DUSP29: variants seen among roughly 807,000 people sequenced by gnomAD.
DUSP29 encodes atypical dual-specific protein phosphatase.
DUSP29 carries 12 observed loss-of-function variants against 13.5 expected under a neutral mutation model. The ratio of observed to expected loss-of-function variants is 0.89; its 90% CI spans 0.57 to 1.44. The LOEUF is 1.44. Among genes scored for constraint, DUSP29 ranks in the 40% most tolerant of loss-of-function variants. The pLI, the probability that DUSP29 is intolerant of heterozygous loss-of-function variation, is 0.00. For synonymous variants in DUSP29, 134 were observed against 128.7 expected (o/e 1.04, Z -0.28); for missense variants, 308 against 301.1 (o/e 1.02, Z -0.17).
chr10:75,060,718 A>T (rs776370110), intron 1 of DUSP29, among the ~76,000 whole-genome samples: 10 of 152,192 alleles, frequency 6.6e-5, no homozygotes, highest in Admixed American at 2.6e-4. Context: ...CTGAGCATAA[A>T]CTGCCAGCCA....
At chr10:75,044,540 G>A (rs1406417608) in intron 2 of DUSP29, among the ~76,000 whole-genome samples, 1 of 152,214 alleles carries the variant, frequency 6.6e-6, no homozygotes, top group Non-Finnish European at 1.5e-5. Context: ...CGATGTGAAC[G>A]GGAAAGTGTT....
chr10:75,054,343 G>A (rs1170268004), intron 2 of DUSP29, among the ~76,000 whole-genome samples: 2 of 152,140 alleles, frequency 1.3e-5, no homozygotes, highest in African/African-American at 4.8e-5. Flanking sequence ...GTTTATAAAA[G>A]TGAAAACATA....
intron 3 of DUSP29, 54 bp from the exon 4 acceptor site, chr10:75,038,131 C>A: frequency 6.4e-7 from 1 of 1,574,260 alleles, no homozygotes; most frequent in Non-Finnish European, 8.6e-7. Context: ...GTGTTGGGGG[C>A]ACAGGTAGGG....
intron 2 of DUSP29, among the ~76,000 whole-genome samples, chr10:75,051,486 C>T (rs761711756): frequency 1.3e-5 from 2 of 152,344 alleles, no homozygotes; most frequent in Middle Eastern, 3.4e-3. Flanking sequence ...GGCCGCTCCA[C>T]CTATCTCCAC....
intron 3 of DUSP29, among the ~76,000 whole-genome samples, chr10:75,043,332 G>A (rs1846624900): frequency 1.3e-5 from 2 of 152,220 alleles, no homozygotes; most frequent in South Asian, 4.1e-4. Context: ...TTGGGTTCAG[G>A]CCCAGGCACA....
chr10:75,048,670 G>T (rs1846756488), intron 2 of DUSP29, among the ~76,000 whole-genome samples: 2 of 152,186 alleles, frequency 1.3e-5, no homozygotes, highest in African/African-American at 4.8e-5. Flanking sequence ...AAACCCAGTG[G>T]AGTCTTAACC....
intron 3 of DUSP29, among the ~76,000 whole-genome samples, chr10:75,042,608 T>C (rs1846609858): frequency 6.6e-6 from 1 of 152,222 alleles, no homozygotes; most frequent in South Asian, 2.1e-4. Flanking sequence ...CATTGTGACA[T>C]TGCTTTCTGA....
chr10:75,046,747 C>T (rs1354402105), intron 2 of DUSP29, among the ~76,000 whole-genome samples: 1 of 152,224 alleles, frequency 6.6e-6, no homozygotes, highest in Non-Finnish European at 1.5e-5. Flanking sequence ...TTTCATTTTT[C>T]GTCTTGCCCC....
intron 1 of DUSP29, among the ~76,000 whole-genome samples, chr10:75,058,903 C>G (rs1289498443): frequency 2.0e-5 from 3 of 152,184 alleles, no homozygotes; most frequent in African/African-American, 4.8e-5. Context: ...TGACTGAAAC[C>G]TACTGGTTTG....
intron 1 of DUSP29, among the ~76,000 whole-genome samples, chr10:75,070,842 AC>A (rs1215371825): frequency 1.3e-5 from 2 of 151,874 alleles, no homozygotes; most frequent in Non-Finnish European, 2.9e-5. Context: ...AGGAGATCTG[AC>A]CCCCTCGTTA....
At position 75,037,955 on chromosome 10, in the gene DUSP29, A is replaced by G. The variant is rs1846499796; in HGVS notation, c.544T>C (p.Cys182Arg). Residue 182 changes from cysteine to arginine, a missense_variant, in exon 4 of 4, where the codon TGC becomes CGC. Cys to Arg is a radical substitution (Grantham distance 180). Transcript: ENST00000338487. ...DAIQQVAKNR[C>R]VLPNRGFLKQ... ...AAAAAGCCCCGGTTCGGGAGGACGC[A>G]GCGGTTCTTGGCCACTTGCTGGATG... 1.2e-6 allele frequency: 2 copies of G among 1,613,972 alleles called. No individual in the cohort carries two copies. Among genetic ancestry groups the G allele is most frequent in the African/African-American group, 2.7e-5 (2 of 75,064 alleles).
At chr10:75,072,870 G>A (rs1198822560) in intron 1 of DUSP29, among the ~76,000 whole-genome samples, 3 of 152,048 alleles carry the variant, frequency 2.0e-5, no homozygotes, top group Admixed American at 2.0e-4. Flanking sequence ...CCTGGTCTGA[G>A]ACGCAGGCCC....
rs370915972 is a variant in DUSP29, at chr10:75,044,024, G to A, written c.201-7C>T. ...GCGGTCCAGCGCCGTCGCCCTGGGC[G>A]CAGGGGAGAGAAATCTGTGGGCGCG... On this transcript the variant is annotated splice_region_variant and splice_polypyrimidine_tract_variant and intron_variant, in intron 2 of 3. Coordinates refer to ENST00000338487, the MANE Select transcript of DUSP29 (RefSeq NM_001003892.3). 2.1e-5 allele frequency: 34 copies of A among 1,603,688 alleles called. No homozygotes were observed. Among genetic ancestry groups the A allele is most frequent in the Middle Eastern group, 2.2e-4 (1 of 4,476 alleles).
intron 3 of DUSP29, among the ~76,000 whole-genome samples, chr10:75,039,247 C>T (rs137890708): frequency 6.6e-6 from 1 of 152,312 alleles, no homozygotes; most frequent in African/African-American, 2.4e-5. Flanking sequence ...TCTTTAGGAA[C>T]AGCAGCAGCT....
At chr10:75,042,843 C>T (rs1846613984) in intron 3 of DUSP29, among the ~76,000 whole-genome samples, 1 of 152,256 alleles carries the variant, frequency 6.6e-6, no homozygotes. Context: ...TATGTGATGG[C>T]TCCACAAAGG....
chr10:75,064,073 G>A (rs935914868), intron 1 of DUSP29, among the ~76,000 whole-genome samples: 1 of 151,310 alleles, frequency 6.6e-6, no homozygotes, highest in East Asian at 2.0e-4. Context: ...TTGAGATAAC[G>A]TCTCACTTTG....
At chr10:75,038,246 T>C (rs1474567167) in intron 3 of DUSP29, among the ~76,000 whole-genome samples, 169 bp from the exon 4 acceptor site, 2 of 152,174 alleles carry the variant, frequency 1.3e-5, no homozygotes, top group African/African-American at 4.8e-5. Context: ...GTCTTCTTCA[T>C]AGGGTTGTTG....
rs1363724695 is a variant in DUSP29, at chr10:75,044,032, G to A, written c.201-15C>T. 1 of 1,599,232 alleles carries A rather than the reference G, an allele frequency of 6.3e-7. No individual in the cohort carries two copies. The highest frequency in any genetic ancestry group is 2.2e-5 in the East Asian group (1 of 44,584). On this transcript the variant is annotated splice_polypyrimidine_tract_variant and intron_variant, in intron 2 of 3. Coordinates refer to ENST00000338487, the MANE Select transcript of DUSP29 (RefSeq NM_001003892.3). ...GCGCCGTCGCCCTGGGCGCAGGGGAGAGAAATCTGTGGGCGCGCGGCGCCC... is the reference window on the plus strand; with the variant it reads ...GCGCCGTCGCCCTGGGCGCAGGGGAAAGAAATCTGTGGGCGCGCGGCGCCC...
intron 3 of DUSP29, among the ~76,000 whole-genome samples, chr10:75,042,332 CAAGT>C (rs928610384): frequency 4.6e-5 from 7 of 152,220 alleles, no homozygotes; most frequent in African/African-American, 1.4e-4. Flanking sequence ...ATAGTAATGG[CAAGT>C]GAGTGCATTA....
Sources: gnomAD v4.1 joint callset for allele counts (sites outside exome capture counted in the v4.1 genomes callset) on GRCh38, gnomAD v4.1.1 for gene constraint, MANE v1.5 for transcripts, NCBI Gene and HGNC (gene_info 2026-07-23, HGNC 2026-07-21) for gene names.